CDKL5: variants seen among roughly 807,000 people sequenced by gnomAD.
CDKL5 encodes the protein cyclin-dependent kinase-like 5.
Under a neutral mutation model 61.7 loss-of-function variants are expected in CDKL5, and 8 were observed. The observed-to-expected ratio is 0.13, with a 90% CI of 0.08 to 0.23. The LOEUF is 0.23. CDKL5 is among the 10% of genes least tolerant of loss of function. The pLI, the probability that CDKL5 is intolerant of heterozygous loss-of-function variation, is 1.00. For synonymous variants in CDKL5, 275 were observed against 272.3 expected (o/e 1.01, Z -0.10); for missense variants, 440 against 734.5 (o/e 0.60, Z 4.63).
rs139047348 is a variant in CDKL5 at position 18,653,296 on chromosome X, A to G, written c.2981-136A>G. The G allele has an allele frequency of 1.1e-3, 1,240 of 1,107,472 alleles. 11 individuals are homozygous for G. In the African/African-American group the frequency reaches 0.021, roughly 19 times the overall value. 91.3% of individuals were successfully genotyped at this position (1,107,472 alleles called of 1,213,427 possible). On this transcript the variant is annotated intron_variant, in intron 21 of 21. Transcript: ENST00000379989. ...AGACAGAGCTTTTAGTATTTTTAAT[A>G]GCATTAAAGTGAAGATTAGGAGGCC... is the stretch of plus-strand genomic sequence containing the variant.
intron 1 of CDKL5, among the ~76,000 whole-genome samples, chrX:18,478,179 G>A (rs1055065370): frequency 3.0e-4 from 33 of 109,102 alleles, no homozygotes; most frequent in African/African-American, 1.1e-3. Flanking sequence ...TAGTTTTGTT[G>A]GATATGAAAT....
intron 3 of CDKL5, among the ~76,000 whole-genome samples, chrX:18,541,865 A>T (rs1048786368): frequency 9.1e-6 from 1 of 110,241 alleles, no homozygotes; most frequent in East Asian, 2.8e-4. Context: ...GAGAGTTCCT[A>T]TATTTTCTTA....
At position 18,631,027 on chromosome X, in the gene CDKL5, C is replaced by T. The variant is rs1388684173; in HGVS notation, c.*2270C>T. 6 of 747,892 alleles carry T rather than the reference C, an allele frequency of 8.0e-6. No homozygotes were observed. The South Asian group carries it at 3.5e-4, about 43-fold the overall frequency. 61.6% of individuals were successfully genotyped at this position (747,892 alleles called of 1,213,427 possible). ...TGGAAAGACTTCTCACTGTGCTATG[C>T]GCTTAGGAACTGCACGGTCCCGTTG... On this transcript the variant is annotated 3_prime_UTR_variant, in exon 18 of 18. Transcript: ENST00000623535.
chrX:18,520,070 C>A (rs1039862937), intron 3 of CDKL5, among the ~76,000 whole-genome samples: 1 of 111,591 alleles, frequency 9.0e-6, no homozygotes, highest in Non-Finnish European at 1.9e-5. Context: ...ATTTTAGGCT[C>A]CCCTTCTTTC....
downstream of CDKL5, chrX:18,642,176 C>A (rs996875452): frequency 1.7e-6 from 2 of 1,204,541 alleles, no homozygotes; most frequent in African/African-American, 3.5e-5. Context: ...TAGAGGAAAT[C>A]CTGTCACCAT....
At chrX:18,562,764 C>T (rs1045310580) in intron 3 of CDKL5, among the ~76,000 whole-genome samples, 4 of 111,506 alleles carry the variant, frequency 3.6e-5, no homozygotes, top group East Asian at 2.8e-4. Context: ...TAAACCATAT[C>T]GGGGGAGGCA....
At chrX:18,589,295 C>G (rs976833577) in intron 9 of CDKL5, 3 of 110,378 alleles carry the variant, frequency 2.7e-5, no homozygotes, top group Admixed American at 9.7e-5. Flanking sequence ...CCCCCCTCCC[C>G]CAACCCCATG....
At chrX:18,440,701 GACCTCAGGTGATCC>G in intron 1 of CDKL5, among the ~76,000 whole-genome samples, 1 of 111,678 alleles carries the variant, frequency 9.0e-6, no homozygotes, top group African/African-American at 3.2e-5. Flanking sequence ...TCGAACTCCT[GACCTCAGGTGATCC>G]ACCCACTTCA....
chrX:18,619,800 A>G, intron 15 of CDKL5, 67 bp from the exon 16 acceptor site: 3 of 728,376 alleles, frequency 4.1e-6, no homozygotes, highest in South Asian at 4.7e-5. Flanking sequence ...AGTCCTTATT[A>G]TATTTGTCAC....
chrX:18,512,796 C>T (rs956671409), intron 3 of CDKL5, among the ~76,000 whole-genome samples: 1 of 110,909 alleles, frequency 9.0e-6, no homozygotes, highest in Non-Finnish European at 1.9e-5. Context: ...TAATGACTTG[C>T]CTTTAGTTAT....
chrX:18,604,435 C>T lies in CDKL5; in HGVS notation c.1511C>T (p.Ala504Val). ...DSKSVSNLSE[A>V]RAQIAEPSTS... ...AAGTCTGTGAGCAACCTTTCTGAAG[C>T]CAGGGCCCAAATTGCGGAGCCCAGT... Residue 504 changes from alanine (A) to valine (V), a missense_variant, in exon 12 of 18, where the codon GCC becomes GTC. Physicochemically the swap from Ala to Val is moderately conservative, Grantham distance 64 (BLOSUM62 0). Around this residue, in one of 2 missense-constraint regions of CDKL5, gnomAD observed 363 missense variants for 516.3 expected, o/e 0.70. Transcript: ENST00000623535. 8.3e-7 allele frequency: 1 copy of T among 1,211,679 alleles called. No homozygotes were observed. The highest frequency in any genetic ancestry group is 1.1e-6 in the Non-Finnish European group (1 of 895,350).
chrX:18,510,130 C>A (rs1031894155), intron 2 of CDKL5, among the ~76,000 whole-genome samples: 1 of 109,871 alleles, frequency 9.1e-6, no homozygotes, highest in Non-Finnish European at 1.9e-5. Flanking sequence ...ACTGGGATGT[C>A]ATTAGCTCTT....
rs191768150 is a variant in CDKL5 at position 18,613,631 on chromosome X, G to C, written c.2276+356G>C. Among the ~76,000 whole-genome samples the C allele has an allele frequency of 7.4e-3, 829 of 111,691 alleles. 9 individuals carry two copies. Among genetic ancestry groups the C allele is most frequent in the African/African-American group, 0.025 (770 of 30,689 alleles). ...TGCATCGTCTCAGTCAGTTCTCATAGTCACACTGTGCTTCCATGCTAGTGG... is the reference window on the plus strand; with the variant it reads ...TGCATCGTCTCAGTCAGTTCTCATACTCACACTGTGCTTCCATGCTAGTGG... On this transcript the variant is annotated intron_variant, in intron 15 of 17. Coordinates refer to ENST00000623535, the MANE Select transcript of CDKL5 (RefSeq NM_001323289.2).
intron 3 of CDKL5, among the ~76,000 whole-genome samples, chrX:18,544,539 C>T (rs1012548421): frequency 8.9e-6 from 1 of 111,984 alleles, no homozygotes; most frequent in African/African-American, 3.2e-5. Flanking sequence ...AGTTAAGGAA[C>T]TTCCCTAAGG....
intron 1 of CDKL5, among the ~76,000 whole-genome samples, chrX:18,461,610 A>G (rs1932289372): frequency 8.9e-6 from 1 of 112,141 alleles, no homozygotes; most frequent in Non-Finnish European, 1.9e-5. Flanking sequence ...GCTTACTGTT[A>G]TGGGAATGAG....
downstream of CDKL5, chrX:18,642,135 G>A (rs61753171): frequency 1.7e-6 from 2 of 1,211,473 alleles, no homozygotes; most frequent in East Asian, 3.0e-5. Context: ...GTGGAGGTGC[G>A]GTCCGAGTTG....
chrX:18,623,069 C>T (rs1015396444), intron 16 of CDKL5, among the ~76,000 whole-genome samples: 2 of 111,891 alleles, frequency 1.8e-5, no homozygotes, highest in Admixed American at 1.9e-4. Flanking sequence ...TGTAAAGGTG[C>T]CTGCTTCGAC....
chrX:18,508,681 T>TTATA (rs747997938), intron 2 of CDKL5, among the ~76,000 whole-genome samples: 14 of 105,603 alleles, frequency 1.3e-4, no homozygotes, highest in East Asian at 5.9e-4. Context: ...TACCAGACTG[T>TTATA]TATATATATA....
intron 1 of CDKL5, among the ~76,000 whole-genome samples, chrX:18,505,937 A>G: frequency 8.8e-6 from 1 of 113,079 alleles, no homozygotes; most frequent in Middle Eastern, 4.6e-3. Flanking sequence ...TGATTGCCAA[A>G]TGGCGATCTT....
Sources: gnomAD v4.1 joint callset for allele counts (sites outside exome capture counted in the v4.1 genomes callset) on GRCh38, gnomAD v4.1.1 for gene constraint, gnomAD v4.1.1 regional missense constraint, MANE v1.5 for transcripts, NCBI Gene and HGNC (gene_info 2026-07-23, HGNC 2026-07-21) for gene names.